SHISA6: variants seen among roughly 807,000 people sequenced by gnomAD.
The protein encoded by SHISA6 is shisa family member 6, also known as protein shisa-6.
SHISA6 carries 22 observed loss-of-function variants against 47.9 expected under a neutral mutation model. That is an observed-to-expected ratio of 0.46 (90% CI 0.33 to 0.66). SHISA6 has a LOEUF of 0.66. Ranked by LOEUF, SHISA6 falls within the 30% of genes least tolerant of loss-of-function variation. The pLI, the probability that SHISA6 is intolerant of heterozygous loss-of-function variation, is 0.02. For synonymous variants in SHISA6, 388 were observed against 337.8 expected (o/e 1.15, Z -1.63); for missense variants, 680 against 764.6 (o/e 0.89, Z 1.30).
chr17:11,410,217 C>T (rs1038586203), intron 3 of SHISA6, among the ~76,000 whole-genome samples: 7 of 152,182 alleles, frequency 4.6e-5, no homozygotes, highest in East Asian at 1.9e-4. Flanking sequence ...AAGTTGGCTG[C>T]GACCTCATCT....
intron 3 of SHISA6, among the ~76,000 whole-genome samples, chr17:11,516,267 T>C (rs554210598): frequency 1.3e-5 from 2 of 152,236 alleles, no homozygotes; most frequent in East Asian, 3.9e-4. Context: ...GCCTAACCGT[T>C]GGGGGCAGAT....
At chr17:11,498,433 A>C (rs895042107) in intron 3 of SHISA6, among the ~76,000 whole-genome samples, 1 of 152,218 alleles carries the variant, frequency 6.6e-6, no homozygotes, top group African/African-American at 2.4e-5. Flanking sequence ...CATCGAAGGA[A>C]TATGAACTAG....
intron 3 of SHISA6, among the ~76,000 whole-genome samples, chr17:11,517,144 T>C (rs2969231): frequency 7.2e-5 from 11 of 152,054 alleles, no homozygotes; most frequent in African/African-American, 2.2e-4. Flanking sequence ...AGTTTCGTTT[T>C]CCAAGGTTAA....
At chr17:11,522,792 A>G (rs1401557995) in intron 3 of SHISA6, among the ~76,000 whole-genome samples, 1 of 152,206 alleles carries the variant, frequency 6.6e-6, no homozygotes, top group Non-Finnish European at 1.5e-5. Context: ...CTCAGTAGAC[A>G]GTGTATTTCA....
intron 3 of SHISA6, among the ~76,000 whole-genome samples, chr17:11,421,604 G>A (rs543259640): frequency 6.6e-6 from 1 of 152,318 alleles, no homozygotes; most frequent in African/African-American, 2.4e-5. Context: ...AGCTTTGAGA[G>A]TCTGTTCAAG....
chr17:11,245,757 GT>G (rs60534325), intron 1 of SHISA6, among the ~76,000 whole-genome samples: 5,551 of 145,060 alleles, frequency 0.038, 443 homozygotes, highest in African/African-American at 0.14. Flanking sequence ...GGTGGGGGGG[GT>G]GGATATCTAG....
chr17:11,407,453 C>A (rs1913996959), intron 3 of SHISA6, among the ~76,000 whole-genome samples: 1 of 151,802 alleles, frequency 6.6e-6, no homozygotes, highest in Non-Finnish European at 1.5e-5. Context: ...TCAGGGTTCT[C>A]TATCTTATTG....
chr17:11,419,661 G>C (rs1222050253), intron 3 of SHISA6, among the ~76,000 whole-genome samples: 1 of 152,086 alleles, frequency 6.6e-6, no homozygotes, highest in Non-Finnish European at 1.5e-5. Context: ...GTAAAAATAA[G>C]TACCCCAAAA....
At chr17:11,347,907 G>T (rs928370133) in intron 2 of SHISA6, among the ~76,000 whole-genome samples, 1 of 152,162 alleles carries the variant, frequency 6.6e-6, no homozygotes, top group South Asian at 2.1e-4. Context: ...TCTTTCATGC[G>T]CTGACTTTCT....
At chr17:11,354,760 C>A (rs906661874) in intron 2 of SHISA6, among the ~76,000 whole-genome samples, 1 of 152,166 alleles carries the variant, frequency 6.6e-6, no homozygotes, top group Non-Finnish European at 1.5e-5. Context: ...ACCCCCTATC[C>A]TCAGTCAGTG....
At chr17:11,458,073 A>T (rs1169544716) in intron 3 of SHISA6, among the ~76,000 whole-genome samples, 2 of 145,622 alleles carry the variant, frequency 1.4e-5, no homozygotes, top group African/African-American at 5.4e-5. Context: ...TGACATAGCG[A>T]GACTCTGTCT....
chr17:11,412,173 A>G (rs571574452), intron 3 of SHISA6, among the ~76,000 whole-genome samples: 4 of 152,306 alleles, frequency 2.6e-5, no homozygotes, highest in African/African-American at 7.2e-5. Context: ...CTTGGAAAAA[A>G]TCATTTTAAA....
intron 2 of SHISA6, among the ~76,000 whole-genome samples, chr17:11,287,127 G>T (rs1452934821): frequency 6.6e-6 from 1 of 152,084 alleles, no homozygotes; most frequent in African/African-American, 2.4e-5. Flanking sequence ...GGGCATGGTG[G>T]CATATGCTTG....
At chr17:11,314,059 C>A (rs1382081866) in intron 2 of SHISA6, among the ~76,000 whole-genome samples, 1 of 152,176 alleles carries the variant, frequency 6.6e-6, no homozygotes, top group Non-Finnish European at 1.5e-5. Context: ...GAGTCCCATT[C>A]AAACTGAACT....
At chr17:11,519,079 C>G (rs1434507206) in intron 3 of SHISA6, among the ~76,000 whole-genome samples, 1 of 152,188 alleles carries the variant, frequency 6.6e-6, no homozygotes, top group African/African-American at 2.4e-5. Flanking sequence ...CTTCCCCTCT[C>G]CCTCCTTCAC....
At chr17:11,548,301 A>T (rs1283362516) in intron 3 of SHISA6, among the ~76,000 whole-genome samples, 1 of 152,196 alleles carries the variant, frequency 6.6e-6, no homozygotes, top group Non-Finnish European at 1.5e-5. Flanking sequence ...CATCCAAAAA[A>T]CAGATGCTTC....
chr17:11,249,481 T>A (rs1907721298), intron 1 of SHISA6, among the ~76,000 whole-genome samples: 1 of 152,112 alleles, frequency 6.6e-6, no homozygotes. Context: ...AAGCTGGAAA[T>A]CTGGGCTTAA....
chr17:11,376,509 A>G (rs1912806598), intron 2 of SHISA6, among the ~76,000 whole-genome samples: 1 of 151,778 alleles, frequency 6.6e-6, no homozygotes, highest in Admixed American at 6.6e-5. Flanking sequence ...TATTTTTAGT[A>G]AAGACGGGGT....
intron 3 of SHISA6, among the ~76,000 whole-genome samples, chr17:11,459,219 A>C (rs1349777484): frequency 5.9e-5 from 4 of 67,706 alleles, no homozygotes; most frequent in Admixed American, 2.8e-4. Flanking sequence ...ACTCCATCTC[A>C]AAAAAAAAAA....
Sources: gnomAD v4.1 joint callset for allele counts (sites outside exome capture counted in the v4.1 genomes callset) on GRCh38, gnomAD v4.1.1 for gene constraint, MANE v1.5 for transcripts, NCBI Gene and HGNC (gene_info 2026-07-23, HGNC 2026-07-21) for gene names.